CHIC1: variants seen among roughly 807,000 people sequenced by gnomAD.
The protein encoded by CHIC1 is cysteine rich hydrophobic domain 1.
In CHIC1, 7 loss-of-function variants were observed where a neutral mutation model predicts 18.5. That is an observed-to-expected ratio of 0.38 (90% CI 0.22 to 0.71). The LOEUF is 0.71. Ranked by LOEUF, CHIC1 falls within the 30% of genes least tolerant of loss-of-function variation. CHIC1 has a pLI of 0.49. For missense variants in CHIC1, 159 were observed against 176.9 expected, an observed-to-expected ratio of 0.90 and a Z score of 0.57; for synonymous variants, 77 against 73.5, an observed-to-expected ratio of 1.05 and a Z score of -0.25.
chrX:73,651,326 G>A (rs111930976), intron 3 of CHIC1, among the ~76,000 whole-genome samples: 3,699 of 110,859 alleles, frequency 0.033, 158 homozygotes, highest in African/African-American at 0.11. Flanking sequence ...ACAAGACAAG[G>A]ATGCCCTCTC....
At chrX:73,600,129 CTGTT>C (rs1422288604) in intron 3 of CHIC1, among the ~76,000 whole-genome samples, 3 of 100,612 alleles carry the variant, frequency 3.0e-5, no homozygotes, top group African/African-American at 4.0e-5. Context: ...ATTTGGCTCT[CTGTT>C]TGTCTGTTTT....
chrX:73,602,208 C>A (rs1852978087), intron 3 of CHIC1, among the ~76,000 whole-genome samples: 1 of 109,326 alleles, frequency 9.1e-6, no homozygotes, highest in Non-Finnish European at 1.9e-5. Context: ...TCCTCCCTAA[C>A]TCATTTTATG....
rs1382296953 is a variant in CHIC1, at chrX:73,686,080, G to A, written c.*5075G>A. 9.0e-6 allele frequency: 1 copy of A among 111,558 alleles called. No individual in the cohort carries two copies. Among genetic ancestry groups the A allele is most frequent in the Non-Finnish European group, 1.9e-5 (1 of 52,935 alleles). The allele number at this position is 111,558 out of a possible 1,213,427, so 9.2% of individuals were successfully genotyped here. A position where few individuals can be genotyped will look rare whatever the true frequency, so the allele number is the denominator to read the frequency against. Reference sequence around the variant, plus strand: ...TTTTGCCTATATTCTCTCAAAAGCTGTGAATGGCAGTATGTTTTTGATTAA... The same window carrying A: ...TTTTGCCTATATTCTCTCAAAAGCTATGAATGGCAGTATGTTTTTGATTAA... On this transcript the variant is annotated 3_prime_UTR_variant, in exon 6 of 6. Transcript: ENST00000373502.
chrX:73,682,616 G>T lies in CHIC1; in HGVS notation c.*1611G>T, dbSNP rs2058103650. On this transcript the variant is annotated 3_prime_UTR_variant, in exon 6 of 6. Coordinates refer to ENST00000373502, the MANE Select transcript of CHIC1 (RefSeq NM_001039840.4). ...TCCTTGACCAGTTTAAAAAAGAGAGGAAAAAGAAGACACTATTTTATATGT... is the reference window on the plus strand; with the variant it reads ...TCCTTGACCAGTTTAAAAAAGAGAGTAAAAAGAAGACACTATTTTATATGT... 1.8e-5 allele frequency: 2 copies of T among 111,551 alleles called. No homozygotes were observed. Among genetic ancestry groups the T allele is most frequent in the South Asian group, 7.5e-4 (2 of 2,677 alleles). 9.2% of individuals were successfully genotyped at this position (111,551 alleles called of 1,213,427 possible).
At chrX:73,609,313 A>G (rs1385228515) in intron 3 of CHIC1, among the ~76,000 whole-genome samples, 1 of 108,879 alleles carries the variant, frequency 9.2e-6, no homozygotes, top group East Asian at 2.8e-4. Context: ...TTTACTATTT[A>G]TTATGATATT....
chrX:73,581,158 A>G (rs2057524933), intron 2 of CHIC1, among the ~76,000 whole-genome samples: 1 of 110,428 alleles, frequency 9.1e-6, no homozygotes, highest in African/African-American at 3.3e-5. Context: ...GACCTTTACT[A>G]TTGTGTTACA....
chrX:73,672,908 G>T (rs1416379315), intron 3 of CHIC1, among the ~76,000 whole-genome samples: 25 of 111,903 alleles, frequency 2.2e-4, no homozygotes, highest in East Asian at 1.4e-3. Context: ...GGTCTAACAT[G>T]TAAGTCTTTA....
intron 3 of CHIC1, among the ~76,000 whole-genome samples, chrX:73,613,037 G>C (rs1368603183): frequency 9.0e-6 from 1 of 111,404 alleles, no homozygotes. Context: ...ATATCCTTAG[G>C]CTAAACTGAT....
intron 3 of CHIC1, among the ~76,000 whole-genome samples, chrX:73,625,911 C>T (rs886593991): frequency 7.2e-5 from 8 of 110,383 alleles, no homozygotes; most frequent in Non-Finnish European, 1.3e-4. Context: ...TAACTCAATC[C>T]CATCCTTTAC....
At chrX:73,603,111 C>G (rs1180512799) in intron 3 of CHIC1, among the ~76,000 whole-genome samples, 2 of 108,203 alleles carry the variant, frequency 1.8e-5, no homozygotes, top group Non-Finnish European at 3.8e-5. Context: ...GGCAGTATGG[C>G]CATTTTCACG....
chrX:73,623,436 A>G (rs1231582925), intron 3 of CHIC1, among the ~76,000 whole-genome samples: 2 of 110,349 alleles, frequency 1.8e-5, no homozygotes, highest in African/African-American at 6.6e-5. Context: ...ACCTATTGTA[A>G]TGCCCTTCTT....
Position 73,679,649 on chromosome X carries a change from C to T in CHIC1, c.565-5C>T, listed in dbSNP as rs1261188198. ...AAAATTCTTAACAAGACTATACTTT[C>T]TTAGCTTGCTTTGCACTGGAAGTTG... On this transcript the variant is annotated splice_region_variant and splice_polypyrimidine_tract_variant and intron_variant, in intron 4 of 5. Transcript: ENST00000373502. The T allele has an allele frequency of 1.5e-5, 17 of 1,102,862 alleles. 1 individual carries two copies. The East Asian group carries it at 5.7e-4, about 37-fold the overall frequency. The allele number at this position is 1,102,862 out of a possible 1,213,427, so 90.9% of individuals were successfully genotyped here. A position where few individuals can be genotyped will look rare whatever the true frequency, so the allele number is the denominator to read the frequency against.
At chrX:73,620,731 T>C (rs1171378347) in intron 3 of CHIC1, among the ~76,000 whole-genome samples, 1 of 112,052 alleles carries the variant, frequency 8.9e-6, no homozygotes, top group Non-Finnish European at 1.9e-5. Flanking sequence ...ATTTTGGCTT[T>C]TGTTGAAATT....
chrX:73,636,480 C>G (rs1858493), intron 3 of CHIC1, among the ~76,000 whole-genome samples: 4 of 111,156 alleles, frequency 3.6e-5, no homozygotes, highest in African/African-American at 1.3e-4. Flanking sequence ...CCCCCAATCT[C>G]TGAAATTTTG....
At position 73,603,343 on chromosome X, in the gene CHIC1, T is replaced by C. The variant is rs142970962; in HGVS notation, c.507+18771T>C. Among the ~76,000 whole-genome samples, 189 of 108,650 alleles carry C rather than the reference T, an allele frequency of 1.7e-3. 25 individuals are homozygous for C. The highest frequency in any genetic ancestry group is 6.6e-3 in the African/African-American group (185 of 28,008). The allele number at this position is 108,650 out of a possible 115,157, so 94.3% of individuals were successfully genotyped here. A position where few individuals can be genotyped will look rare whatever the true frequency, so the allele number is the denominator to read the frequency against. ...TAGGAATGCTTGTGATTTTTGCACA[T>C]TGATTTCGTATCCTGAGACCTTGCT... On this transcript the variant is annotated intron_variant, in intron 3 of 5. Coordinates refer to ENST00000373502, the MANE Select transcript of CHIC1 (RefSeq NM_001039840.4).
intron 2 of CHIC1, among the ~76,000 whole-genome samples, chrX:73,583,548 G>A (rs1808236996): frequency 9.0e-6 from 1 of 111,462 alleles, no homozygotes; most frequent in South Asian, 3.6e-4. Context: ...TAGTCTGACA[G>A]CTTTCTAAAT....
At chrX:73,614,823 C>CT (rs1443550602) in intron 3 of CHIC1, among the ~76,000 whole-genome samples, 7 of 110,206 alleles carry the variant, frequency 6.4e-5, no homozygotes, top group Admixed American at 3.9e-4. Flanking sequence ...TGTCACTGCG[C>CT]TTTTTTTTAT....
chrX:73,622,480 G>A (rs981902251), intron 3 of CHIC1, among the ~76,000 whole-genome samples: 4 of 111,772 alleles, frequency 3.6e-5, no homozygotes, highest in South Asian at 3.7e-4. Context: ...GTTTATTTGC[G>A]TGGAGGTGTT....
intron 3 of CHIC1, among the ~76,000 whole-genome samples, chrX:73,660,283 T>C (rs1282647223): frequency 8.9e-6 from 1 of 111,909 alleles, no homozygotes; most frequent in Non-Finnish European, 1.9e-5. Context: ...ATATGTAGTG[T>C]TACCTGGCAC....
Sources: gnomAD v4.1 joint callset for allele counts (sites outside exome capture counted in the v4.1 genomes callset) on GRCh38, gnomAD v4.1.1 for gene constraint, MANE v1.5 for transcripts, NCBI Gene and HGNC (gene_info 2026-07-23, HGNC 2026-07-21) for gene names.